The following PPM1H variants were observed in gnomAD, a reference collection of about 807,000 sequenced individuals.
PPM1H encodes the protein protein phosphatase 1H.
In PPM1H, 27 loss-of-function variants were observed where a neutral mutation model predicts 54.9. That is an observed-to-expected ratio of 0.49 (90% CI 0.36 to 0.68). The LOEUF (loss-of-function observed/expected upper bound fraction) is 0.68. Ranked by LOEUF, PPM1H falls within the 30% of genes least tolerant of loss-of-function variation. The pLI is 0.00. For synonymous variants in PPM1H, 305 were observed against 270.8 expected (o/e 1.13, Z -1.24); for missense variants, 596 against 667.8 (o/e 0.89, Z 1.19).
intron 8 of PPM1H, among the ~76,000 whole-genome samples, chr12:62,673,284 C>T (rs1282813142): frequency 6.6e-6 from 1 of 152,152 alleles, no homozygotes; most frequent in South Asian, 2.1e-4. Flanking sequence ...TACACAGGAG[C>T]CTGTGACAAG....
At chr12:62,792,744 GCA>G (rs2076707572) in intron 3 of PPM1H, among the ~76,000 whole-genome samples, 1 of 151,938 alleles carries the variant, frequency 6.6e-6, no homozygotes, top group Non-Finnish European at 1.5e-5. Context: ...AGCCAAAATA[GCA>G]CATTTATTTT....
Position 62,648,595 on chromosome 12 carries a change from C to G in PPM1H, c.1439G>C (p.Gly480Ala). ...CCGCCATCCTCTGTCCTTCAGCACA[C>G]CCCGGGCACGCATCACCAGGTCCTG... is the stretch of plus-strand genomic sequence containing the variant. Reference protein sequence around the residue: ...AAQDLVMRARGVLKDRGWRIS... With the variant: ...AAQDLVMRARAVLKDRGWRIS... Residue 480 changes from glycine (G) to alanine (A), a missense_variant, in exon 10 of 10, where the codon GGT becomes GCT. Physicochemically the swap from Gly to Ala is moderately conservative, Grantham distance 60. This residue lies in a region of PPM1H where 208 missense variants were observed against 259.5 expected (regional missense o/e 0.80). Coordinates refer to ENST00000228705, the MANE Select transcript of PPM1H (RefSeq NM_020700.2). 1 of 1,613,984 alleles carries G rather than the reference C, an allele frequency of 6.2e-7. No individual in the cohort carries two copies. Among genetic ancestry groups the G allele is most frequent in the Non-Finnish European group, 8.5e-7 (1 of 1,179,866 alleles).
In PPM1H at chr12:62,646,599, C is replaced by G. The variant is rs1278014504; in HGVS notation, c.*1890G>C. On this transcript the variant is annotated 3_prime_UTR_variant, in exon 10 of 10. Transcript: ENST00000228705. ...AAAGCATTTTCCACAAACTTCTCTC[C>G]ATAGAGATATCTGGGGTAGCTAAGA... 5 of 152,234 alleles carry G rather than the reference C, an allele frequency of 3.3e-5. No individual in the cohort carries two copies. The highest frequency in any genetic ancestry group is 1.2e-4 in the African/African-American group (5 of 41,426). The allele number at this position is 152,234 out of a possible 1,614,324, so 9.4% of individuals were successfully genotyped here.
At chr12:62,875,188 G>A (rs1055782082) in intron 1 of PPM1H, among the ~76,000 whole-genome samples, 3 of 152,250 alleles carry the variant, frequency 2.0e-5, no homozygotes, top group Non-Finnish European at 4.4e-5. Context: ...CAACCAGTGA[G>A]TGGTAAAGCT....
rs1872278364 is a variant in PPM1H, at chr12:62,934,853, G to C, written c.-117C>G. 3 of 1,047,040 alleles carry C rather than the reference G, an allele frequency of 2.9e-6. No individual in the cohort carries two copies. Among genetic ancestry groups the C allele is most frequent in the Middle Eastern group, 7.4e-4 (2 of 2,690 alleles). The allele number at this position is 1,047,040 out of a possible 1,614,324, so 64.9% of individuals were successfully genotyped here. A position where few individuals can be genotyped will look rare whatever the true frequency, so the allele number is the denominator to read the frequency against. On this transcript the variant is annotated 5_prime_UTR_variant, in exon 1 of 10. Transcript: ENST00000228705. This position sits in a 1 kb window ranked among gnomAD's most constrained non-coding sequence, Gnocchi z 4.2. The stretch of plus-strand genomic sequence containing the variant: ...CGGGCGCACGGCGAGTCGGGCCACT[G>C]GGACGCGCCGCGCGCGGCTCCCAGA...
At chr12:62,714,588 G>A (rs147864375) in intron 6 of PPM1H, among the ~76,000 whole-genome samples, 39 of 151,956 alleles carry the variant, frequency 2.6e-4, no homozygotes, top group African/African-American at 8.0e-4. Context: ...TTAGAGGTTC[G>A]CAGCAATGGT....
intron 1 of PPM1H, among the ~76,000 whole-genome samples, chr12:62,866,751 G>A (rs988909586): frequency 1.3e-5 from 2 of 152,104 alleles, no homozygotes; most frequent in African/African-American, 4.8e-5. Context: ...CAGAAACAGT[G>A]TGACATAATA....
In PPM1H at chr12:62,868,389, G is replaced by A. The variant is rs569031155; in HGVS notation, c.246-36110C>T. 1.2e-4 allele frequency among the ~76,000 whole-genome samples: 18 copies of A among 152,192 alleles called. No homozygotes were observed. The East Asian group carries it at 1.7e-3, about 15-fold the overall frequency. On this transcript the variant is annotated intron_variant, in intron 1 of 9. Coordinates refer to ENST00000228705, the MANE Select transcript of PPM1H (RefSeq NM_020700.2). ...CCATCCACAAAGCCTTCCCTGCCTC[G>A]GCGACTCAGGCAGAATTGTCTCTGC...
rs1037954947 is a variant in PPM1H at position 62,934,864 on chromosome 12, C to G, written c.-128G>C. On this transcript the variant is annotated 5_prime_UTR_variant, in exon 1 of 10. Coordinates refer to ENST00000228705, the MANE Select transcript of PPM1H (RefSeq NM_020700.2). The surrounding 1 kb of genome is among the most constrained non-coding windows in gnomAD (Gnocchi z 4.2). ...CGAGTCGGGCCACTGGGACGCGCCG[C>G]GCGCGGCTCCCAGAGCCTAGTGCTG... 34 of 967,366 alleles carry G rather than the reference C, an allele frequency of 3.5e-5. No individual in the cohort carries two copies. In the African/African-American group the frequency reaches 5.0e-4, roughly 14 times the overall value. 59.9% of individuals were successfully genotyped at this position (967,366 alleles called of 1,614,324 possible).
At chr12:62,900,541 T>C (rs933365305) in intron 1 of PPM1H, among the ~76,000 whole-genome samples, 3 of 138,074 alleles carry the variant, frequency 2.2e-5, no homozygotes, top group Middle Eastern at 3.7e-3. Context: ...GTAATAATAA[T>C]AATAATAATA....
intron 6 of PPM1H, among the ~76,000 whole-genome samples, chr12:62,707,915 C>A (rs1430221950): frequency 1.3e-5 from 2 of 152,176 alleles, no homozygotes; most frequent in African/African-American, 4.8e-5. Context: ...CTGATCTACC[C>A]TGGAAGACTG....
At chr12:62,679,231 C>T (rs997030430) in intron 8 of PPM1H, among the ~76,000 whole-genome samples, 9 of 151,074 alleles carry the variant, frequency 6.0e-5, no homozygotes, top group East Asian at 2.0e-4. Context: ...GTGATCTGCC[C>T]GCCTCAGCCT....
chr12:62,769,449 C>G (rs1007219106), intron 4 of PPM1H, among the ~76,000 whole-genome samples: 2 of 152,248 alleles, frequency 1.3e-5, no homozygotes, highest in East Asian at 3.8e-4. Flanking sequence ...ACTGACAAAA[C>G]CAGCCTCGTG....
At chr12:62,756,109 T>C in intron 4 of PPM1H, 1 of 909,522 alleles carries the variant, frequency 1.1e-6, no homozygotes. Flanking sequence ...TCTTCAACCT[T>C]TGATGCTGGG....
intron 6 of PPM1H, among the ~76,000 whole-genome samples, chr12:62,698,047 A>C (rs1222814795): frequency 1.3e-5 from 2 of 152,162 alleles, no homozygotes; most frequent in East Asian, 3.8e-4. Flanking sequence ...AGTTTCCATT[A>C]AATACTTTTT....
intron 1 of PPM1H, among the ~76,000 whole-genome samples, chr12:62,867,588 T>TC: frequency 7.8e-6 from 1 of 127,790 alleles, no homozygotes; most frequent in East Asian, 2.2e-4. Context: ...TTTTTTTTTT[T>TC]TTTTTTTGAG....
intron 1 of PPM1H, among the ~76,000 whole-genome samples, chr12:62,867,708 G>T (rs1476161075): frequency 1.3e-5 from 2 of 149,530 alleles, no homozygotes; most frequent in African/African-American, 4.9e-5. Flanking sequence ...CTCCCAAATA[G>T]CTGGGACTAC....
intron 1 of PPM1H, among the ~76,000 whole-genome samples, chr12:62,884,353 TAGTC>T (rs1433172974): frequency 3.8e-5 from 5 of 131,660 alleles, no homozygotes; most frequent in African/African-American, 8.5e-5. Context: ...AAAAAAAAAA[TAGTC>T]AGGCATAGTG....
intron 2 of PPM1H, among the ~76,000 whole-genome samples, chr12:62,817,116 T>TAAAAAAAAAAAAAAA (rs1189819660): frequency 7.2e-5 from 3 of 41,782 alleles, no homozygotes; most frequent in Non-Finnish European, 9.1e-5. Context: ...ACTGCATTAC[T>TAAAAAAAAAAAAAAA]AAAAAAAAAA....
Sources: gnomAD v4.1 joint callset for allele counts (sites outside exome capture counted in the v4.1 genomes callset) on GRCh38, gnomAD v4.1.1 for gene constraint, gnomAD v4.1.1 regional missense constraint, Gnocchi (gnomAD v3.1) non-coding constraint, MANE v1.5 for transcripts, NCBI Gene and HGNC (gene_info 2026-07-23, HGNC 2026-07-21) for gene names.